PDCL: variants seen among roughly 807,000 people sequenced by gnomAD.
PDCL encodes the protein phosducin like, also known as phosducin-like protein.
PDCL carries 11 observed loss-of-function variants against 26.7 expected under a neutral mutation model. That is an observed-to-expected ratio of 0.41 (90% confidence interval 0.26 to 0.68). The LOEUF is 0.68. Ranked by LOEUF, PDCL falls within the 30% of genes least tolerant of loss-of-function variation. The pLI, the probability that PDCL is intolerant of heterozygous loss-of-function variation, is 0.30. For synonymous variants in PDCL, 118 were observed against 134.9 expected, an observed-to-expected ratio of 0.87 and a Z score of 0.87; for missense variants, 330 against 371.6, an observed-to-expected ratio of 0.89 and a Z score of 0.92.
intron 2 of PDCL, among the ~76,000 whole-genome samples, chr9:122,825,210 GGA>G (rs1829607838): frequency 1.3e-5 from 2 of 151,626 alleles, no homozygotes; most frequent in Non-Finnish European, 2.9e-5. Context: ...TGCCCAGGCT[GGA>G]GTACAGTGGC....
chr9:122,820,223 C>T lies in PDCL; in HGVS notation c.768G>A (p.Gly256=). The T allele has an allele frequency of 6.2e-7, 1 of 1,614,134 alleles. No individual in the cohort carries two copies. Among genetic ancestry groups the T allele is most frequent in the Non-Finnish European group, 8.5e-7 (1 of 1,180,022 alleles). ...CAAGGTCCACAGCAAAGAAATCATCCCCCAGCTGGTCAGTAACACGAACAA... is the reference window on the plus strand; with the variant it reads ...CAAGGTCCACAGCAAAGAAATCATCTCCCAGCTGGTCAGTAACACGAACAA... ...GNFVRVTDQL[G]DDFFAVDLEA... is the part of the protein sequence containing the mutation. The change falls in exon 4 of 4, where the codon GGG becomes GGA. Residue 256 remains glycine (G), a synonymous_variant. Transcript: ENST00000259467.
At position 122,821,022 on chromosome 9, in the gene PDCL, A is replaced by G. The variant is rs140904526; in HGVS notation, c.355-386T>C. On this transcript the variant is annotated intron_variant, in intron 3 of 3. Coordinates refer to ENST00000259467, the MANE Select transcript of PDCL (RefSeq NM_005388.5). ...CCAAAAAAATAAAAAGAAATAAAAC[A>G]GTTAACATGTACTACATGCTGATAA... Among the ~76,000 whole-genome samples, 907 of 151,990 alleles carry G rather than the reference A, an allele frequency of 6.0e-3. 5 individuals are homozygous for G. Among genetic ancestry groups the G allele is most frequent in the African/African-American group, 0.021 (858 of 41,438 alleles).
chr9:122,819,991 A>G lies in PDCL; in HGVS notation c.*94T>C. 9.8e-7 allele frequency: 1 copy of G among 1,024,902 alleles called. No individual in the cohort carries two copies. Among genetic ancestry groups the G allele is most frequent in the Non-Finnish European group, 1.4e-6 (1 of 694,432 alleles). 63.5% of individuals were successfully genotyped at this position (1,024,902 alleles called of 1,614,324 possible). ...TGCATAATAAAAGGGACTACAAAGA[A>G]CAGCTGAAAAGCCAGAAGACAAAGG... On this transcript the variant is annotated 3_prime_UTR_variant, in exon 4 of 4. Transcript: ENST00000259467.
At chr9:122,820,734 A>G (rs1221030232) in intron 3 of PDCL, 98 bp from the exon 4 acceptor site, 5 of 981,310 alleles carry the variant, frequency 5.1e-6, no homozygotes, top group Non-Finnish European at 7.4e-6. Context: ...CTGTAATCCT[A>G]GCACTTTGGG....
chr9:122,825,025 C>T (rs1829604864), intron 2 of PDCL, among the ~76,000 whole-genome samples: 1 of 152,090 alleles, frequency 6.6e-6, no homozygotes, highest in African/African-American at 2.4e-5. Context: ...CTAAGCAGTA[C>T]TGAAACAACT....
chr9:122,822,636 GATA>G (rs1371312058), intron 3 of PDCL, among the ~76,000 whole-genome samples: 1 of 152,134 alleles, frequency 6.6e-6, no homozygotes, highest in African/African-American at 2.4e-5. Context: ...GTAAGAAGGG[GATA>G]ATACCACCAC....
At chr9:122,823,268 G>A in intron 2 of PDCL, 71 bp from the exon 3 acceptor site, 2 of 1,463,954 alleles carry the variant, frequency 1.4e-6, no homozygotes, top group South Asian at 2.3e-5. Context: ...ACATCTGTAG[G>A]TAGGAGTTCA....
At chr9:122,820,854 G>A (rs1829545064) in intron 3 of PDCL, 3 of 491,758 alleles carry the variant, frequency 6.1e-6, no homozygotes, top group African/African-American at 2.0e-5. Context: ...AGTTAGCAGG[G>A]CATGGTGGTG....
At chr9:122,826,378 G>A (rs1022610930) in intron 2 of PDCL, among the ~76,000 whole-genome samples, 3 of 151,988 alleles carry the variant, frequency 2.0e-5, no homozygotes, top group African/African-American at 4.8e-5. Flanking sequence ...CTGTTAATAC[G>A]AGATGCAGGA....
At chr9:122,827,767 G>A (rs757597210) in intron 1 of PDCL, among the ~76,000 whole-genome samples, 1 of 152,076 alleles carries the variant, frequency 6.6e-6, no homozygotes, top group Non-Finnish European at 1.5e-5. Flanking sequence ...AAAGGACCAG[G>A]CTTCTGCATC....
At position 122,826,706 on chromosome 9, in the gene PDCL, C is replaced by T. The variant is rs756766356; in HGVS notation, c.82G>A (p.Glu28Lys). The change falls in exon 2 of 4, where the codon GAG becomes AAG. Residue 28 changes from glutamate to lysine, a missense_variant. Physicochemically the swap from Glu to Lys is moderately conservative, Grantham distance 56. Coordinates refer to ENST00000259467, the MANE Select transcript of PDCL (RefSeq NM_005388.5). ...GCACATCTGCCTCGGTCCTTGTCCT[C>T]GTGGTCACTGTCCTCATCCTCACTG... Reference protein sequence around the residue: ...SSSEDEDSDHEDKDRGRCAPA... With the variant: ...SSSEDEDSDHKDKDRGRCAPA... 2.7e-5 allele frequency: 43 copies of T among 1,614,064 alleles called. No homozygotes were observed. The East Asian group carries it at 8.0e-4, about 30-fold the overall frequency.
Position 122,826,651 on chromosome 9 carries a change from G to A in PDCL, c.137C>T (p.Ala46Val). 1 of 1,614,146 alleles carries A rather than the reference G, an allele frequency of 6.2e-7. No homozygotes were observed. The highest frequency in any genetic ancestry group is 8.5e-7 in the Non-Finnish European group (1 of 1,180,016). ...TGAGATGCCTTCGCCTGCCAGCTCA[G>A]CCTCTGCAGGCACAGAACTGCTGGC... Reference protein sequence around the residue: ...APASSSVPAEAELAGEGISVN... With the variant: ...APASSSVPAEVELAGEGISVN... The change falls in exon 2 of 4, where the codon GCT becomes GTT. Residue 46 changes from alanine (A) to valine (V), a missense_variant. Coordinates refer to ENST00000259467, the MANE Select transcript of PDCL (RefSeq NM_005388.5).
rs558691819 is a variant in PDCL at position 122,826,578 on chromosome 9, T to A, written c.172+38A>T. 1.4e-5 allele frequency: 22 copies of A among 1,568,414 alleles called. No homozygotes were observed. In the African/African-American group the frequency reaches 1.6e-4, roughly 12 times the overall value. ...AATTAATATGTATTTAATGTACATT[T>A]TTTAAGCCTGTTCCCAGAGCCCAGG... is the stretch of plus-strand genomic sequence containing the variant. On this transcript the variant is annotated intron_variant, in intron 2 of 3. Coordinates refer to ENST00000259467, the MANE Select transcript of PDCL (RefSeq NM_005388.5).
At chr9:122,823,711 T>C (rs1207144763) in intron 2 of PDCL, among the ~76,000 whole-genome samples, 2 of 152,112 alleles carry the variant, frequency 1.3e-5, no homozygotes, top group Non-Finnish European at 2.9e-5. Context: ...TAGTAGGATC[T>C]AAGCAACTGG....
chr9:122,821,807 G>C (rs1302019936), intron 3 of PDCL, among the ~76,000 whole-genome samples: 1 of 151,982 alleles, frequency 6.6e-6, no homozygotes, highest in Non-Finnish European at 1.5e-5. Context: ...CTTAAGCTAC[G>C]AAAGCATCTT....
At chr9:122,825,440 G>C (rs1829611994) in intron 2 of PDCL, among the ~76,000 whole-genome samples, 1 of 152,184 alleles carries the variant, frequency 6.6e-6, no homozygotes, top group African/African-American at 2.4e-5. Context: ...AGGATTACAG[G>C]CGTGAGCCAC....
rs958545830 is a variant in PDCL, at chr9:122,818,339, T to C, written c.*1746A>G. The C allele has an allele frequency of 6.6e-6, 1 of 152,088 alleles. No individual in the cohort carries two copies. The highest frequency in any genetic ancestry group is 1.5e-5 in the Non-Finnish European group (1 of 68,026). The allele number at this position is 152,088 out of a possible 1,614,324, so 9.4% of individuals were successfully genotyped here. On this transcript the variant is annotated 3_prime_UTR_variant, in exon 4 of 4. Transcript: ENST00000259467. ...AATAAATTATTATATATCCAAATGA[T>C]GAAATATTATGAAGCCACTGAAAAT...
At chr9:122,827,505 G>C (rs982436229) in intron 1 of PDCL, among the ~76,000 whole-genome samples, 1 of 152,168 alleles carries the variant, frequency 6.6e-6, no homozygotes, top group Non-Finnish European at 1.5e-5. Context: ...CTTGAGACCA[G>C]GTATTCGAGA....
At chr9:122,822,339 G>A (rs887790257) in intron 3 of PDCL, among the ~76,000 whole-genome samples, 5 of 149,982 alleles carry the variant, frequency 3.3e-5, no homozygotes, top group African/African-American at 4.9e-5. Context: ...AGGGTCCCTT[G>A]ACCTCAGGAG....
Sources: gnomAD v4.1 joint callset for allele counts (sites outside exome capture counted in the v4.1 genomes callset) on GRCh38, gnomAD v4.1.1 for gene constraint, MANE v1.5 for transcripts, NCBI Gene and HGNC (gene_info 2026-07-23, HGNC 2026-07-21) for gene names.